Variants in ARID2 observed in about 807,000 individuals in gnomAD.
ARID2 encodes the protein AT-rich interactive domain-containing protein 2.
Under a neutral mutation model 184.6 loss-of-function variants are expected in ARID2, and 32 were observed. That is an observed-to-expected ratio of 0.17 (90% confidence interval 0.13 to 0.23). The LOEUF (loss-of-function observed/expected upper bound fraction) is 0.23. Among genes scored for constraint, ARID2 ranks in the 10% least tolerant of loss-of-function variants. The pLI is 1.00. For synonymous variants in ARID2, 836 were observed against 772.6 expected, an observed-to-expected ratio of 1.08 and a Z score of -1.36; for missense variants, 1,696 against 2,197.6, an observed-to-expected ratio of 0.77 and a Z score of 4.56.
rs1359742526 is a variant in ARID2, at chr12:45,905,980, A to G, written c.*902A>G. On this transcript the variant is annotated 3_prime_UTR_variant, in exon 21 of 21. Coordinates refer to ENST00000334344, the MANE Select transcript of ARID2 (RefSeq NM_152641.4). ...TTTTTTTTTGTATTATACACCTTGT[A>G]GAACTCATTTTGCTGGCTGAAAGAG... is the stretch of plus-strand genomic sequence containing the variant. 4.9e-6 allele frequency: 1 copy of G among 203,300 alleles called. No homozygotes were observed. The highest frequency in any genetic ancestry group is 7.0e-5 in the Admixed American group (1 of 14,202). The allele number at this position is 203,300 out of a possible 1,614,324, so 12.6% of individuals were successfully genotyped here.
rs899460975 is a variant in ARID2 at position 45,906,246 on chromosome 12, T to C, written c.*1168T>C. On this transcript the variant is annotated 3_prime_UTR_variant, in exon 21 of 21. Transcript: ENST00000334344. ...CTTCACTACTTTTTCTATCTTAATA[T>C]AGTGTGGAATTTTATTGTATTATTC... is the stretch of plus-strand genomic sequence containing the variant. The C allele has an allele frequency of 8.6e-6, 2 of 233,026 alleles. No individual in the cohort carries two copies. Among genetic ancestry groups the C allele is most frequent in the Non-Finnish European group, 8.5e-6 (1 of 117,688 alleles). The allele number at this position is 233,026 out of a possible 1,614,324, so 14.4% of individuals were successfully genotyped here.
chr12:45,820,306 C>A (rs748405929), intron 5 of ARID2, among the ~76,000 whole-genome samples: 15 of 152,218 alleles, frequency 9.9e-5, no homozygotes, highest in Non-Finnish European at 1.5e-4. Context: ...CTGTTTCTCA[C>A]CCTTTTAAAT....
chr12:45,785,544 GA>G (rs891107320), intron 3 of ARID2, among the ~76,000 whole-genome samples: 25 of 150,312 alleles, frequency 1.7e-4, no homozygotes, highest in Middle Eastern at 3.4e-3. Context: ...TGGGTTAGTG[GA>G]AAAAAAAACC....
At chr12:45,757,620 A>C (rs80352516) in intron 3 of ARID2, among the ~76,000 whole-genome samples, 1 of 152,230 alleles carries the variant, frequency 6.6e-6, no homozygotes, top group African/African-American at 2.4e-5. Flanking sequence ...AGTGGAATTT[A>C]TTTAGAATGC....
intron 20 of ARID2, among the ~76,000 whole-genome samples, chr12:45,900,458 A>G (rs1338437720): frequency 6.6e-6 from 1 of 152,170 alleles, no homozygotes. Flanking sequence ...TATTTTAATC[A>G]GTATCTTTCA....
At chr12:45,806,598 G>C (rs879451887) in intron 3 of ARID2, among the ~76,000 whole-genome samples, 1 of 151,956 alleles carries the variant, frequency 6.6e-6, no homozygotes, top group Non-Finnish European at 1.5e-5. Flanking sequence ...GGCTTACTTT[G>C]TACATTACCG....
chr12:45,846,781 T>C, intron 11 of ARID2, 75 bp from the exon 12 acceptor site: 1 of 1,376,660 alleles, frequency 7.3e-7, no homozygotes, highest in Admixed American at 1.8e-5. Context: ...ATGGGTTCAA[T>C]ATCCATAAAA....
intron 16 of ARID2, among the ~76,000 whole-genome samples, chr12:45,863,656 T>C (rs1943786631): frequency 6.6e-6 from 1 of 152,072 alleles, no homozygotes; most frequent in South Asian, 2.1e-4. Context: ...ATTATTTTCT[T>C]TACCTATATA....
intron 3 of ARID2, among the ~76,000 whole-genome samples, chr12:45,746,768 T>C (rs1046972933): frequency 1.3e-5 from 2 of 151,896 alleles, no homozygotes; most frequent in African/African-American, 4.8e-5. Flanking sequence ...AAGTTCTGGA[T>C]CTAGTATTTT....
At chr12:45,857,741 ATCTC>A (rs140411335) in intron 15 of ARID2, among the ~76,000 whole-genome samples, 1,803 of 151,252 alleles carry the variant, frequency 0.012, 21 homozygotes, top group Middle Eastern at 0.021. Flanking sequence ...AGCTAAATGC[ATCTC>A]TCTCTCTCTC....
chr12:45,855,355 C>T (rs900617447), intron 15 of ARID2, among the ~76,000 whole-genome samples: 2 of 152,176 alleles, frequency 1.3e-5, no homozygotes, highest in South Asian at 4.1e-4. Flanking sequence ...AAAATAGGTA[C>T]ATTCTTTATT....
At position 45,849,762 on chromosome 12, in the gene ARID2, C is replaced by T. The variant is rs890252136; in HGVS notation, c.1898C>T (p.Ala633Val). 1.2e-6 allele frequency: 2 copies of T among 1,611,248 alleles called. No homozygotes were observed. The highest frequency in any genetic ancestry group is 1.7e-6 in the Non-Finnish European group (2 of 1,178,670). ...GATTCTGTTCCTGATGTATCTCCTG[C>T]TCCTTCACCTGCAGGTGTTAATTTT... ...RVDSVPDVSP[A>V]PSPAGIPHGS... is the part of the protein sequence containing the mutation. The change falls in exon 14 of 21, where the codon GCT becomes GTT. Residue 633 changes from alanine to valine, a missense_variant. Ala to Val is a moderately conservative substitution (Grantham distance 64). This residue lies in a region of ARID2 where 713 missense variants were observed against 824.4 expected (regional missense o/e 0.86). Coordinates refer to ENST00000334344, the MANE Select transcript of ARID2 (RefSeq NM_152641.4).
chr12:45,861,015 T>G, intron 16 of ARID2, 66 bp downstream of exon 16: 1 of 1,333,110 alleles, frequency 7.5e-7, no homozygotes, highest in Non-Finnish European at 9.7e-7. Context: ...ATATTTAAGT[T>G]TCTGTCATCT....
chr12:45,876,379 T>C (rs1375024721), intron 16 of ARID2, among the ~76,000 whole-genome samples: 1 of 151,956 alleles, frequency 6.6e-6, no homozygotes, highest in East Asian at 1.9e-4. Flanking sequence ...GGAGAAACCC[T>C]GTTTCTCCTA....
chr12:45,899,326 T>C (rs910995123), intron 20 of ARID2, among the ~76,000 whole-genome samples: 44 of 129,014 alleles, frequency 3.4e-4, no homozygotes, highest in Admixed American at 1.0e-3. Context: ...ATAACCAGGC[T>C]GGGCGTGGTG....
At chr12:45,869,883 AAAAAC>A (rs575246841) in intron 16 of ARID2, among the ~76,000 whole-genome samples, 8 of 152,138 alleles carry the variant, frequency 5.3e-5, no homozygotes, top group African/African-American at 9.7e-5. Flanking sequence ...ATTCCACCTC[AAAAAC>A]AAAACAAAAC....
chr12:45,856,977 A>G (rs1943662460), intron 15 of ARID2, among the ~76,000 whole-genome samples: 1 of 152,170 alleles, frequency 6.6e-6, no homozygotes, highest in Non-Finnish European at 1.5e-5. Flanking sequence ...TCTGTTGGAA[A>G]CATATTTGCT....
In ARID2 at chr12:45,731,185, A is replaced by T. The variant is rs754160516; in HGVS notation, c.187-32A>T. On this transcript the variant is annotated intron_variant, in intron 2 of 20. Transcript: ENST00000334344. ...AGGTTAAGATTTTCTTAGATTGTTC[A>T]CGTTCAGACAACTGTGCCTGTGTTT... 2.7e-6 allele frequency: 4 copies of T among 1,467,400 alleles called. No homozygotes were observed. The South Asian group carries it at 4.5e-5, about 17-fold the overall frequency. The allele number at this position is 1,467,400 out of a possible 1,614,324, so 90.9% of individuals were successfully genotyped here.
chr12:45,902,764 C>T (rs898626568), intron 20 of ARID2, among the ~76,000 whole-genome samples: 3 of 151,864 alleles, frequency 2.0e-5, no homozygotes, highest in East Asian at 1.9e-4. Context: ...AGGCTGGTCT[C>T]GAACTCCTGA....
Sources: gnomAD v4.1 joint callset for allele counts (sites outside exome capture counted in the v4.1 genomes callset) on GRCh38, gnomAD v4.1.1 for gene constraint, gnomAD v4.1.1 regional missense constraint, MANE v1.5 for transcripts, NCBI Gene and HGNC (gene_info 2026-07-23, HGNC 2026-07-21) for gene names.